Variants in RTN4RL1 observed in about 807,000 individuals in gnomAD.
The protein encoded by RTN4RL1 is reticulon 4 receptor like 1, also known as reticulon-4 receptor-like 1.
RTN4RL1 carries 7 observed loss-of-function variants against 25.6 expected under a neutral mutation model. That is an observed-to-expected ratio of 0.27 (90% CI 0.16 to 0.51). The LOEUF (loss-of-function observed/expected upper bound fraction) is 0.51. RTN4RL1 is among the 20% of genes least tolerant of loss of function. RTN4RL1 has a pLI of 0.97. For synonymous variants in RTN4RL1, 297 were observed against 288.2 expected, an observed-to-expected ratio of 1.03 and a Z score of -0.31; for missense variants, 500 against 615.6, an observed-to-expected ratio of 0.81 and a Z score of 1.99.
intron 1 of RTN4RL1, among the ~76,000 whole-genome samples, chr17:1,964,791 T>TTTC (rs2066782193): frequency 1.1e-5 from 1 of 94,656 alleles, no homozygotes; most frequent in African/African-American, 3.6e-5. Flanking sequence ...TTCTTTTCTT[T>TTTC]TTTTTTTTTT....
chr17:2,004,053 A>G (rs1173223219), intron 1 of RTN4RL1, among the ~76,000 whole-genome samples: 23 of 151,318 alleles, frequency 1.5e-4, no homozygotes, highest in Admixed American at 1.3e-3. Flanking sequence ...CCTGGGCAAC[A>G]GAGTGAGACC....
rs1209998199 is a variant in RTN4RL1 at position 1,935,992 on chromosome 17, AGGGTGACT to A, written c.*496_*503del. On this transcript the variant is annotated 3_prime_UTR_variant, in exon 2 of 2. Coordinates refer to ENST00000331238, the MANE Select transcript of RTN4RL1 (RefSeq NM_178568.4). ...GGTGGAGTAGGATAGAATTCAGGGCAGGGTGACTGGCCTCAGGCAAGAGCCAAGATGCC... is the reference window on the plus strand; with the variant it reads ...GGTGGAGTAGGATAGAATTCAGGGCAGGCCTCAGGCAAGAGCCAAGATGCC... The A allele has an allele frequency of 1.0e-6, 1 of 987,072 alleles. No individual in the cohort carries two copies. The highest frequency in any genetic ancestry group is 1.1e-4 in the East Asian group (1 of 8,840). 61.1% of individuals were successfully genotyped at this position (987,072 alleles called of 1,614,324 possible).
chr17:1,997,026 C>T (rs1321031481), intron 1 of RTN4RL1, among the ~76,000 whole-genome samples: 1 of 152,228 alleles, frequency 6.6e-6, no homozygotes, highest in African/African-American at 2.4e-5. Context: ...CCGCAACCAA[C>T]CTGGCCTCCC....
chr17:2,001,942 G>GAGGGT (rs1567521631), intron 1 of RTN4RL1, among the ~76,000 whole-genome samples: 6 of 151,892 alleles, frequency 4.0e-5, no homozygotes, highest in Non-Finnish European at 7.4e-5. Context: ...GAGGGGAGGG[G>GAGGGT]AGGGAGTGGG....
chr17:1,980,945 AAG>A (rs1555519364), intron 1 of RTN4RL1, among the ~76,000 whole-genome samples: 1 of 150,476 alleles, frequency 6.6e-6, no homozygotes, highest in African/African-American at 2.5e-5. Flanking sequence ...AAAAAAAAAA[AAG>A]AAGTGGAGCA....
In RTN4RL1 at chr17:1,970,605, C is replaced by T. The variant is rs76947906; in HGVS notation, c.14-32797G>A. Reference sequence around the variant, plus strand: ...CTGGCCACGACCCAGCTTCCTTCCCCGCTGACACTGTGTTCTTGGTCTCTG... The same window carrying T: ...CTGGCCACGACCCAGCTTCCTTCCCTGCTGACACTGTGTTCTTGGTCTCTG... On this transcript the variant is annotated intron_variant, in intron 1 of 1. Transcript: ENST00000331238. Among the ~76,000 whole-genome samples the T allele has an allele frequency of 1.3e-4, 20 of 152,314 alleles. No individual in the cohort carries two copies. The East Asian group carries it at 2.9e-3, about 22-fold the overall frequency.
chr17:1,962,005 G>T (rs2151310293), intron 1 of RTN4RL1, among the ~76,000 whole-genome samples: 1 of 151,206 alleles, frequency 6.6e-6, no homozygotes, highest in East Asian at 1.9e-4. Flanking sequence ...AAGCAGGCCG[G>T]GCGTGGTGGC....
At chr17:1,978,073 C>T (rs1178304995) in intron 1 of RTN4RL1, among the ~76,000 whole-genome samples, 1 of 152,206 alleles carries the variant, frequency 6.6e-6, no homozygotes, top group Non-Finnish European at 1.5e-5. Context: ...CGCACCGCAA[C>T]CCTCCCGCGG....
chr17:1,999,142 T>TACAC (rs147931732), intron 1 of RTN4RL1, among the ~76,000 whole-genome samples: 2,272 of 147,910 alleles, frequency 0.015, 61 homozygotes, highest in African/African-American at 0.054. Context: ...GTGCTCATCA[T>TACAC]ACACACACAC....
chr17:2,007,953 A>C (rs922036180), intron 1 of RTN4RL1, among the ~76,000 whole-genome samples: 5 of 148,376 alleles, frequency 3.4e-5, no homozygotes, highest in Admixed American at 2.0e-4. Flanking sequence ...CTCAAAAAAA[A>C]CCCAAAAAAA....
chr17:1,942,519 CTG>C (rs994856953), intron 1 of RTN4RL1, among the ~76,000 whole-genome samples: 4 of 152,110 alleles, frequency 2.6e-5, no homozygotes, highest in Admixed American at 2.6e-4. Flanking sequence ...GGAAAGACCC[CTG>C]CCATCCCCGT....
At chr17:2,019,189 G>A (rs903078965) in intron 1 of RTN4RL1, 2 of 152,204 alleles carry the variant, frequency 1.3e-5, no homozygotes, top group African/African-American at 4.8e-5. Flanking sequence ...GCCCAGGGAG[G>A]TCCGGCCACT....
intron 1 of RTN4RL1, among the ~76,000 whole-genome samples, chr17:1,961,249 A>C (rs987519054): frequency 6.6e-6 from 1 of 152,190 alleles, no homozygotes; most frequent in Non-Finnish European, 1.5e-5. Flanking sequence ...AGTAACCAGG[A>C]AAAGTCACGA....
chr17:1,954,544 C>T (rs1234424915), intron 1 of RTN4RL1, among the ~76,000 whole-genome samples: 2 of 152,164 alleles, frequency 1.3e-5, no homozygotes, highest in African/African-American at 4.8e-5. Context: ...CTCACCACCA[C>T]GCCAAGCTAG....
At chr17:1,958,822 C>T (rs188545548) in intron 1 of RTN4RL1, among the ~76,000 whole-genome samples, 1 of 152,210 alleles carries the variant, frequency 6.6e-6, no homozygotes, top group Admixed American at 6.5e-5. Flanking sequence ...CTTTTCCCCC[C>T]AATAATGAGT....
rs1396386454 is a variant in RTN4RL1 at position 1,964,796 on chromosome 17, T to C, written c.14-26988A>G. ...TGCATTTCTTTTCTTTTCTTTTTTT[T>C]TTTTTTTTTTGAGATGGAGTCTCGC... On this transcript the variant is annotated intron_variant, in intron 1 of 1. Coordinates refer to ENST00000331238, the MANE Select transcript of RTN4RL1 (RefSeq NM_178568.4). 5.3e-4 allele frequency among the ~76,000 whole-genome samples: 79 copies of C among 147,990 alleles called. No individual in the cohort carries two copies. The Middle Eastern group carries it at 0.01, about 19-fold the overall frequency.
chr17:2,002,496 G>T (rs1239832682), intron 1 of RTN4RL1, among the ~76,000 whole-genome samples: 1 of 150,666 alleles, frequency 6.6e-6, no homozygotes, highest in Non-Finnish European at 1.5e-5. Flanking sequence ...GTTTCACCGT[G>T]TTAGCCAGGA....
At chr17:1,938,459 G>T (rs924029391) in intron 1 of RTN4RL1, among the ~76,000 whole-genome samples, 1 of 151,588 alleles carries the variant, frequency 6.6e-6, no homozygotes, top group Non-Finnish European at 1.5e-5. Context: ...GCACCATCAC[G>T]CCCAGGTAGT....
rs181444163 is a variant in RTN4RL1 at position 1,937,383 on chromosome 17, C to T, written c.439G>A (p.Gly147Ser). ...LSALPAGVFG[G>S]LHSLQYLYLQ... ...TAGAGGTACTGCAGGCTGTGCAGGC[C>T]GCCAAAGACGCCGGCCGGCAAGGCG... Residue 147 changes from glycine to serine, a missense_variant, in exon 2 of 2, where the codon GGC (glycine) becomes AGC (serine). Around this residue, in one of 2 missense-constraint regions of RTN4RL1, gnomAD observed 232 missense variants for 341.1 expected, o/e 0.68. Transcript: ENST00000331238. 18,806 of 1,613,652 alleles carry T rather than the reference C, an allele frequency of 0.012. 120 individuals carry two copies. The highest frequency in any genetic ancestry group is 0.014 in the Non-Finnish European group (16,181 of 1,179,864).
Sources: gnomAD v4.1 joint callset for allele counts (sites outside exome capture counted in the v4.1 genomes callset) on GRCh38, gnomAD v4.1.1 for gene constraint, gnomAD v4.1.1 regional missense constraint, MANE v1.5 for transcripts, NCBI Gene and HGNC (gene_info 2026-07-23, HGNC 2026-07-21) for gene names.